Variants in EEF2K observed in about 807,000 individuals in gnomAD.
EEF2K encodes the protein eukaryotic elongation factor 2 kinase, also known as alternative protein EEF2K.
In EEF2K, 70 loss-of-function variants were observed where a neutral mutation model predicts 93.8. The observed-to-expected ratio is 0.75, with a 90% CI of 0.62 to 0.91. The LOEUF (loss-of-function observed/expected upper bound fraction) is 0.91, where lower values mean the gene tolerates loss of function less well. Among genes scored for constraint, EEF2K ranks in the 40% least tolerant of loss-of-function variants. The pLI, the probability that EEF2K is intolerant of heterozygous loss-of-function variation, is 0.00. For missense variants in EEF2K, 935 were observed against 972.9 expected (o/e 0.96, Z 0.52); for synonymous variants, 376 against 380.8 (o/e 0.99, Z 0.15).
chr16:22,240,474 T>A (rs1265887975), intron 2 of EEF2K, among the ~76,000 whole-genome samples: 12 of 152,168 alleles, frequency 7.9e-5, no homozygotes, highest in Admixed American at 7.9e-4. Context: ...CCAAAAAATA[T>A]GTACTACTGA....
chr16:22,212,647 A>G (rs533628392), intron 1 of EEF2K, among the ~76,000 whole-genome samples: 1 of 151,030 alleles, frequency 6.6e-6, no homozygotes, highest in South Asian at 2.1e-4. Flanking sequence ...GTATGTGGGG[A>G]GATTTGTTTT....
rs540519988 is a variant in EEF2K at position 22,271,541 on chromosome 16, A to C, written c.1765-2085A>C. Among the ~76,000 whole-genome samples the C allele has an allele frequency of 1.8e-3, 273 of 150,998 alleles. 2 individuals are homozygous for C. Among genetic ancestry groups the C allele is most frequent in the South Asian group, 3.0e-3 (14 of 4,698 alleles). ...CCATCTCTACAAACCCCCCACCCCCAAAAAAACAAATTAGCCTGGTGTGGT... is the reference window on the plus strand; with the variant it reads ...CCATCTCTACAAACCCCCCACCCCCCAAAAAACAAATTAGCCTGGTGTGGT... On this transcript the variant is annotated intron_variant, in intron 15 of 17. Coordinates refer to ENST00000263026, the MANE Select transcript of EEF2K (RefSeq NM_013302.5).
At chr16:22,208,738 T>A (rs200982027) in intron 1 of EEF2K, among the ~76,000 whole-genome samples, 59 of 147,534 alleles carry the variant, frequency 4.0e-4, no homozygotes, top group African/African-American at 1.4e-3. Flanking sequence ...GGTCTCTATT[T>A]AAAAAAAAAA....
chr16:22,280,507 A>C (rs1187054637), intron 17 of EEF2K, 131 bp downstream of exon 17: 3 of 1,071,032 alleles, frequency 2.8e-6, no homozygotes, highest in Non-Finnish European at 3.7e-6. Flanking sequence ...GAATTTATGG[A>C]GCTAGTATGA....
At chr16:22,264,429 C>G (rs2047497150) in intron 12 of EEF2K, among the ~76,000 whole-genome samples, 1 of 151,900 alleles carries the variant, frequency 6.6e-6, no homozygotes, top group Non-Finnish European at 1.5e-5. Context: ...TTTGATCACA[C>G]TGCTGCACTC....
chr16:22,264,289 CAAAAAAA>C (rs59993193), intron 12 of EEF2K, among the ~76,000 whole-genome samples: 34 of 39,922 alleles, frequency 8.5e-4, no homozygotes, highest in South Asian at 3.4e-3. Context: ...GAGACTGTCT[CAAAAAAA>C]AAAAAAAAAA....
chr16:22,223,215 T>C (rs1033098078), intron 1 of EEF2K, among the ~76,000 whole-genome samples: 6 of 151,884 alleles, frequency 4.0e-5, no homozygotes, highest in African/African-American at 1.4e-4. Flanking sequence ...AATTGCTGGA[T>C]CATACGGTAA....
intron 15 of EEF2K, among the ~76,000 whole-genome samples, chr16:22,273,392 C>T (rs1399361025): frequency 6.6e-6 from 1 of 152,110 alleles, no homozygotes; most frequent in Admixed American, 6.5e-5. Flanking sequence ...CACAGGTGGG[C>T]GTGTCTTATG....
Position 22,284,496 on chromosome 16 carries a change from G to A in EEF2K, c.*500G>A, listed in dbSNP as rs1212019274. The stretch of plus-strand genomic sequence containing the variant: ...GGGTTTCACCATGTTGGCCAGGCTG[G>A]TCTCGAACTCCTAACCTCAGGTGAT... On this transcript the variant is annotated 3_prime_UTR_variant, in exon 18 of 18. Transcript: ENST00000263026. The A allele has an allele frequency of 6.5e-6, 1 of 154,160 alleles. No homozygotes were observed. Among genetic ancestry groups the A allele is most frequent in the African/African-American group, 2.4e-5 (1 of 41,418 alleles). 9.5% of individuals were successfully genotyped at this position (154,160 alleles called of 1,614,324 possible).
intron 2 of EEF2K, among the ~76,000 whole-genome samples, chr16:22,231,795 G>C (rs1028891625): frequency 4.6e-5 from 7 of 151,484 alleles, no homozygotes; most frequent in Admixed American, 1.3e-4. Context: ...TTTGAGACCA[G>C]CCTGACCTAC....
At position 22,260,545 on chromosome 16, in the gene EEF2K, G is replaced by A. The variant is rs748123831; in HGVS notation, c.1299+16G>A. The stretch of plus-strand genomic sequence containing the variant: ...CAACCACCGGGTGAGTGTGAAGGGA[G>A]GGAGGCTGCAGGCTTCAGACCCCAG... On this transcript the variant is annotated intron_variant, in intron 11 of 17. Transcript: ENST00000263026. 3 of 1,614,116 alleles carry A rather than the reference G, an allele frequency of 1.9e-6. No homozygotes were observed. Among genetic ancestry groups the A allele is most frequent in the South Asian group, 2.2e-5 (2 of 91,082 alleles).
chr16:22,253,195 C>A lies in EEF2K; in HGVS notation c.618+1873C>A, dbSNP rs142301526. On this transcript the variant is annotated intron_variant, in intron 6 of 17. Transcript: ENST00000263026. ...AGGGTGATGAGTGACTGAGGCCAAG[C>A]AGAATTCCCTGTTGCCTTTCGGCAT... Among the ~76,000 whole-genome samples the A allele has an allele frequency of 4.2e-4, 64 of 152,300 alleles. No individual in the cohort carries two copies. In the East Asian group the frequency reaches 5.6e-3, roughly 13 times the overall value.
chr16:22,262,240 G>A (rs1369913646), intron 11 of EEF2K, among the ~76,000 whole-genome samples: 1 of 152,064 alleles, frequency 6.6e-6, no homozygotes, highest in African/African-American at 2.4e-5. Context: ...GGCCAGGCAC[G>A]GTGGCTCACG....
At chr16:22,248,195 G>T (rs2047314316) in intron 3 of EEF2K, among the ~76,000 whole-genome samples, 1 of 152,124 alleles carries the variant, frequency 6.6e-6, no homozygotes, top group South Asian at 2.1e-4. Context: ...CTCCTGAGTA[G>T]CTGGGATTAC....
At chr16:22,222,738 G>C (rs2142104657) in intron 1 of EEF2K, among the ~76,000 whole-genome samples, 1 of 149,764 alleles carries the variant, frequency 6.7e-6, no homozygotes, top group African/African-American at 2.4e-5. Flanking sequence ...ACAAAAATTA[G>C]CTGGGCACAG....
chr16:22,281,628 C>T lies in EEF2K; in HGVS notation c.2068+1252C>T, dbSNP rs1007196426. 2.3e-4 allele frequency among the ~76,000 whole-genome samples: 35 copies of T among 152,276 alleles called. 1 individual carries two copies. The highest frequency in any genetic ancestry group is 3.4e-3 in the Middle Eastern group (1 of 294). On this transcript the variant is annotated intron_variant, in intron 17 of 17. Coordinates refer to ENST00000263026, the MANE Select transcript of EEF2K (RefSeq NM_013302.5). ...TTTCCATCACCCCAAAAAGAAATCCCGTACCAGTTAGCAGTCCTCCCCGAA... is the reference window on the plus strand; with the variant it reads ...TTTCCATCACCCCAAAAAGAAATCCTGTACCAGTTAGCAGTCCTCCCCGAA...
In EEF2K at chr16:22,264,868, C is replaced by A; in HGVS notation, c.1428C>A (p.Gly476=). ...ACGAGTCTGACGAAGACAGCCTGGG[C>A]AGCTCTGGACGGGTAATGCGCCCTG... is the stretch of plus-strand genomic sequence containing the variant. ...RKYESDEDSL[G]SSGRVCVEKW... The change falls in exon 13 of 18, where the codon GGC becomes GGA. Residue 476 remains glycine, a synonymous_variant. Coordinates refer to ENST00000263026, the MANE Select transcript of EEF2K (RefSeq NM_013302.5). 6.2e-7 allele frequency: 1 copy of A among 1,614,060 alleles called. No homozygotes were observed. Among genetic ancestry groups the A allele is most frequent in the Non-Finnish European group, 8.5e-7 (1 of 1,179,968 alleles).
intron 16 of EEF2K, 26 bp from the exon 17 acceptor site, chr16:22,280,172 C>T (rs1254472330): frequency 2.8e-6 from 4 of 1,450,540 alleles, no homozygotes; most frequent in East Asian, 2.6e-5. Context: ...GTAACCTCCA[C>T]CTTTCCCTCT....
At chr16:22,281,723 T>G (rs1391903901) in intron 17 of EEF2K, among the ~76,000 whole-genome samples, 1 of 152,204 alleles carries the variant, frequency 6.6e-6, no homozygotes, top group Non-Finnish European at 1.5e-5. Flanking sequence ...ACTGGGAGTA[T>G]ACAATTTGTG....
Sources: gnomAD v4.1 joint callset for allele counts (sites outside exome capture counted in the v4.1 genomes callset) on GRCh38, gnomAD v4.1.1 for gene constraint, MANE v1.5 for transcripts, NCBI Gene and HGNC (gene_info 2026-07-23, HGNC 2026-07-21) for gene names.